CADM2: variants seen among roughly 807,000 people sequenced by gnomAD.
CADM2 encodes immunoglobulin superfamily member 4D.
Under a neutral mutation model 49.8 loss-of-function variants are expected in CADM2, and 12 were observed. That is an observed-to-expected ratio of 0.24 (90% CI 0.15 to 0.39). The LOEUF (loss-of-function observed/expected upper bound fraction) is 0.39. CADM2 is among the 10% of genes least tolerant of loss of function. The probability of loss-of-function intolerance (pLI) is 1.00; values close to 1 mark genes in which losing one functional copy is unlikely to be tolerated. For synonymous variants in CADM2, 214 were observed against 175.4 expected (o/e 1.22, Z -1.74); for missense variants, 378 against 492.3 (o/e 0.77, Z 2.20).
intron 1 of CADM2, among the ~76,000 whole-genome samples, chr3:84,984,878 A>G (rs1358327624): frequency 1.3e-5 from 2 of 152,190 alleles, no homozygotes; most frequent in Non-Finnish European, 2.9e-5. Context: ...GAGTGTACTA[A>G]TGATTTCAAG....
At chr3:85,562,622 C>G (rs1369945754) in intron 1 of CADM2, among the ~76,000 whole-genome samples, 1 of 151,586 alleles carries the variant, frequency 6.6e-6, no homozygotes, top group Non-Finnish European at 1.5e-5. Context: ...ACACTTCTTT[C>G]TACATTATAT....
At chr3:85,557,676 A>C (rs1240555525) in intron 1 of CADM2, among the ~76,000 whole-genome samples, 3 of 152,086 alleles carry the variant, frequency 2.0e-5, no homozygotes, top group African/African-American at 7.2e-5. Context: ...TTAACACACA[A>C]AATTATTCAT....
At chr3:85,306,227 C>A (rs1366395068) in intron 1 of CADM2, among the ~76,000 whole-genome samples, 2 of 151,602 alleles carry the variant, frequency 1.3e-5, no homozygotes, top group African/African-American at 4.8e-5. Context: ...ACAAAAAAAT[C>A]TATTTAGTGT....
intron 6 of CADM2, among the ~76,000 whole-genome samples, chr3:85,914,802 C>G (rs4308293): frequency 0.7 from 106,518 of 152,058 alleles, 38,881 homozygotes; most frequent in African/African-American, 0.92. Context: ...CTTGTGCCGG[C>G]TATTCTAAAG....
At chr3:85,602,555 T>A (rs1397958748) in intron 1 of CADM2, among the ~76,000 whole-genome samples, 1 of 151,760 alleles carries the variant, frequency 6.6e-6, no homozygotes, top group East Asian at 1.9e-4. Flanking sequence ...TATTTGTTCA[T>A]TGAAGACCAA....
intron 1 of CADM2, among the ~76,000 whole-genome samples, chr3:85,248,310 G>T: frequency 6.6e-6 from 1 of 151,184 alleles, no homozygotes; most frequent in East Asian, 1.9e-4. Context: ...AGTCTCGCTC[G>T]GTCGCCCAAG....
chr3:85,242,064 TG>T (rs1251510513), intron 1 of CADM2, among the ~76,000 whole-genome samples: 4 of 145,144 alleles, frequency 2.8e-5, no homozygotes, highest in South Asian at 4.2e-4. Flanking sequence ...TTGATTCTGT[TG>T]TTTTTTTTTT....
chr3:85,930,904 A>T (rs539331939), intron 6 of CADM2, among the ~76,000 whole-genome samples: 1 of 149,486 alleles, frequency 6.7e-6, no homozygotes, highest in African/African-American at 2.4e-5. Flanking sequence ...TAATTAATTA[A>T]TATATTAATA....
chr3:85,981,836 T>C (rs924379614), intron 8 of CADM2, among the ~76,000 whole-genome samples: 1 of 151,768 alleles, frequency 6.6e-6, no homozygotes, highest in African/African-American at 2.4e-5. Flanking sequence ...TGTGTCTTTA[T>C]GGTAGAACAA....
At chr3:85,443,653 A>C (rs563717685) in intron 1 of CADM2, among the ~76,000 whole-genome samples, 1 of 152,250 alleles carries the variant, frequency 6.6e-6, no homozygotes, top group Middle Eastern at 3.4e-3. Flanking sequence ...ACAACTGATT[A>C]ACAACCTACC....
intron 7 of CADM2, among the ~76,000 whole-genome samples, chr3:85,950,822 C>T (rs998987444): frequency 6.6e-6 from 1 of 151,098 alleles, no homozygotes; most frequent in Non-Finnish European, 1.5e-5. Context: ...TAATGAGACT[C>T]CTCCTACTTG....
intron 1 of CADM2, among the ~76,000 whole-genome samples, chr3:85,532,993 G>T (rs115193420): frequency 2.0e-5 from 3 of 152,314 alleles, no homozygotes; most frequent in African/African-American, 4.8e-5. Context: ...AATACACAGG[G>T]CCTCTTGGAG....
At chr3:85,512,133 A>G (rs973162014) in intron 1 of CADM2, among the ~76,000 whole-genome samples, 1 of 152,006 alleles carries the variant, frequency 6.6e-6, no homozygotes, top group Non-Finnish European at 1.5e-5. Context: ...GCTAATAGGT[A>G]GTTTTTCAGC....
intron 1 of CADM2, among the ~76,000 whole-genome samples, chr3:85,399,301 A>G (rs1276424943): frequency 6.6e-6 from 1 of 151,938 alleles, no homozygotes; most frequent in East Asian, 1.9e-4. Flanking sequence ...ATGGTTGTAG[A>G]TGTGTGGTAT....
At chr3:86,053,663 C>T (rs1433757511) in intron 8 of CADM2, among the ~76,000 whole-genome samples, 1 of 151,966 alleles carries the variant, frequency 6.6e-6, no homozygotes, top group African/African-American at 2.4e-5. Context: ...TGAAAATTCT[C>T]TTATGCTGGT....
intron 8 of CADM2, among the ~76,000 whole-genome samples, chr3:86,050,147 C>T (rs186093723): frequency 6.6e-6 from 1 of 152,170 alleles, no homozygotes. Context: ...TGTAAATACT[C>T]CCATTCCAAA....
intron 1 of CADM2, among the ~76,000 whole-genome samples, chr3:85,175,917 A>ATTTTTT (rs2040770217): frequency 7.2e-5 from 9 of 125,416 alleles, no homozygotes; most frequent in African/African-American, 1.5e-4. Flanking sequence ...TTATGTCCTA[A>ATTTTTT]TCTTTTTTTT....
chr3:86,024,131 A>G (rs1046330528), intron 8 of CADM2, among the ~76,000 whole-genome samples: 1 of 152,132 alleles, frequency 6.6e-6, no homozygotes, highest in Non-Finnish European at 1.5e-5. Context: ...CCTTCCCCCA[A>G]ATAGCTTCAG....
chr3:85,450,983 C>T lies in CADM2; in HGVS notation c.62-275539C>T, dbSNP rs1282303234. Among the ~76,000 whole-genome samples, 5 of 151,996 alleles carry T rather than the reference C, an allele frequency of 3.3e-5. No individual in the cohort carries two copies. The East Asian group carries it at 7.7e-4, about 23-fold the overall frequency. ...ATTAAATGAGATAAGATATAAACAG[C>T]TAGACTCATTTAATATGATTTTGAT... On this transcript the variant is annotated intron_variant, in intron 1 of 9. Coordinates refer to ENST00000383699, the MANE Select transcript of CADM2 (RefSeq NM_001167675.2).
Sources: gnomAD v4.1 joint callset for allele counts (sites outside exome capture counted in the v4.1 genomes callset) on GRCh38, gnomAD v4.1.1 for gene constraint, MANE v1.5 for transcripts, NCBI Gene and HGNC (gene_info 2026-07-23, HGNC 2026-07-21) for gene names.